The following CHRM5 variants were observed in gnomAD, a reference collection of about 807,000 sequenced individuals.
CHRM5 encodes cholinergic receptor muscarinic 5.
CHRM5 carries 18 observed loss-of-function variants against 39.0 expected under a neutral mutation model. The ratio of observed to expected loss-of-function variants is 0.46; its 90% CI spans 0.32 to 0.68. The LOEUF is 0.68. CHRM5 is among the 30% of genes least tolerant of loss of function. CHRM5 has a pLI of 0.04. For missense variants in CHRM5, 515 were observed against 651.1 expected (o/e 0.79, Z 2.28); for synonymous variants, 241 against 246.3 (o/e 0.98, Z 0.20).
intron 1 of CHRM5, among the ~76,000 whole-genome samples, chr15:33,973,945 A>AG (rs2140503328): frequency 6.6e-6 from 1 of 152,354 alleles, no homozygotes; most frequent in Non-Finnish European, 1.5e-5. Flanking sequence ...CACTGATAAT[A>AG]GGCAAGTAGG....
chr15:33,998,147 C>T (rs1203854090), intron 1 of CHRM5, among the ~76,000 whole-genome samples: 3 of 152,138 alleles, frequency 2.0e-5, no homozygotes, highest in Non-Finnish European at 2.9e-5. Flanking sequence ...CCTCCAATTA[C>T]AGTTGGAAAA....
intron 1 of CHRM5, among the ~76,000 whole-genome samples, chr15:34,011,865 C>A (rs770628091): frequency 6.6e-6 from 1 of 152,152 alleles, no homozygotes; most frequent in African/African-American, 2.4e-5. Context: ...CAAGACCTTG[C>A]GAGTTCTATG....
At chr15:34,009,135 G>A (rs577452801) in intron 1 of CHRM5, among the ~76,000 whole-genome samples, 11 of 152,148 alleles carry the variant, frequency 7.2e-5, no homozygotes, top group African/African-American at 2.2e-4. Flanking sequence ...AAAATAAACT[G>A]TCAGCCAAGA....
intron 1 of CHRM5, among the ~76,000 whole-genome samples, chr15:34,010,283 G>A (rs774119636): frequency 2.0e-5 from 3 of 151,782 alleles, no homozygotes; most frequent in Non-Finnish European, 2.9e-5. Flanking sequence ...CAGTATATTT[G>A]GACAACCTTA....
intron 1 of CHRM5, among the ~76,000 whole-genome samples, chr15:33,970,883 T>C (rs1895608063): frequency 6.6e-6 from 1 of 151,990 alleles, no homozygotes; most frequent in Non-Finnish European, 1.5e-5. Flanking sequence ...AAATGAATAC[T>C]ACCTTGCTCC....
intron 1 of CHRM5, among the ~76,000 whole-genome samples, chr15:34,018,022 C>T (rs1218244177): frequency 2.0e-5 from 3 of 152,194 alleles, no homozygotes; most frequent in African/African-American, 7.2e-5. Context: ...ATGTACACTA[C>T]ATAATACTGA....
intron 1 of CHRM5, among the ~76,000 whole-genome samples, chr15:33,980,321 G>A (rs977559625): frequency 2.6e-5 from 4 of 152,052 alleles, no homozygotes; most frequent in African/African-American, 9.7e-5. Context: ...AAGAATCATC[G>A]CACTGGTAAT....
intron 1 of CHRM5, among the ~76,000 whole-genome samples, chr15:33,986,676 A>G (rs1410358088): frequency 6.6e-6 from 1 of 151,952 alleles, no homozygotes; most frequent in Non-Finnish European, 1.5e-5. Flanking sequence ...GTTTTTTTTG[A>G]GACAGAGTCT....
chr15:34,011,886 T>C (rs1369705206), intron 1 of CHRM5, among the ~76,000 whole-genome samples: 1 of 152,204 alleles, frequency 6.6e-6, no homozygotes, highest in Non-Finnish European at 1.5e-5. Context: ...CTTCAATGAC[T>C]TAAGGATAAT....
At chr15:34,010,181 T>C (rs1203709021) in intron 1 of CHRM5, among the ~76,000 whole-genome samples, 1 of 152,172 alleles carries the variant, frequency 6.6e-6, no homozygotes, top group Admixed American at 6.5e-5. Flanking sequence ...AAGATTTACT[T>C]ACTGAAGCTA....
chr15:34,000,515 G>A (rs1373672480), intron 1 of CHRM5, among the ~76,000 whole-genome samples: 1 of 152,178 alleles, frequency 6.6e-6, no homozygotes, highest in African/African-American at 2.4e-5. Context: ...AAAAGTTTAT[G>A]ATTGCACACC....
chr15:34,024,449 G>A lies in CHRM5; in HGVS notation c.-407-22091G>A, dbSNP rs1446497360. Among the ~76,000 whole-genome samples, 4 of 144,134 alleles carry A rather than the reference G, an allele frequency of 2.8e-5. No individual in the cohort carries two copies. The Admixed American group carries it at 2.9e-4, about 10-fold the overall frequency. The allele number at this position is 144,134 out of a possible 152,430, so 94.6% of individuals were successfully genotyped here. Reference sequence around the variant, plus strand: ...GACTGCACCACTGCCCTCCAGCCTGGGCAACAGAATGAGACCCTGTCTCAA... The same window carrying A: ...GACTGCACCACTGCCCTCCAGCCTGAGCAACAGAATGAGACCCTGTCTCAA... On this transcript the variant is annotated intron_variant, in intron 1 of 2. Coordinates refer to ENST00000383263, the MANE Select transcript of CHRM5 (RefSeq NM_012125.4).
At chr15:33,982,573 T>C (rs1221577046) in intron 1 of CHRM5, among the ~76,000 whole-genome samples, 1 of 152,218 alleles carries the variant, frequency 6.6e-6, no homozygotes, top group Non-Finnish European at 1.5e-5. Context: ...ATCTTGATCC[T>C]TTTTTAAGAT....
intron 2 of CHRM5, among the ~76,000 whole-genome samples, chr15:34,052,004 G>A (rs1457309417): frequency 6.6e-6 from 1 of 152,164 alleles, no homozygotes; most frequent in Non-Finnish European, 1.5e-5. Context: ...TATGAAGCCA[G>A]CATCATCCTG....
chr15:33,997,617 T>A (rs1007969168), intron 1 of CHRM5, among the ~76,000 whole-genome samples: 10 of 152,144 alleles, frequency 6.6e-5, no homozygotes, highest in African/African-American at 9.7e-5. Flanking sequence ...CTCAAGAAGG[T>A]CAATAATCCT....
intron 1 of CHRM5, among the ~76,000 whole-genome samples, chr15:33,981,145 T>A (rs526971): frequency 0.76 from 115,487 of 152,126 alleles, 48,789 homozygotes; most frequent in Non-Finnish European, 0.95. Flanking sequence ...AGAGAAAATA[T>A]CTGAATTAAG....
At chr15:33,998,982 C>A (rs888025637) in intron 1 of CHRM5, among the ~76,000 whole-genome samples, 1 of 152,242 alleles carries the variant, frequency 6.6e-6, no homozygotes, top group African/African-American at 2.4e-5. Context: ...CTGAACCCCA[C>A]ATTCCTCTAT....
intron 1 of CHRM5, among the ~76,000 whole-genome samples, chr15:33,974,896 C>G (rs1432834739): frequency 6.6e-6 from 1 of 152,162 alleles, no homozygotes; most frequent in Non-Finnish European, 1.5e-5. Context: ...CGCTTGAACC[C>G]AGGAGGTGGA....
chr15:34,052,347 C>T (rs1168110235), intron 2 of CHRM5, among the ~76,000 whole-genome samples: 1 of 152,098 alleles, frequency 6.6e-6, no homozygotes, highest in Non-Finnish European at 1.5e-5. Flanking sequence ...AAACATACCA[C>T]AAAATAATAA....
Sources: allele counts gnomAD v4.1 joint callset (sites outside exome capture counted in the v4.1 genomes callset), GRCh38; gene constraint gnomAD v4.1.1; transcripts MANE v1.5; gene names NCBI Gene and HGNC (gene_info 2026-07-23, HGNC 2026-07-21).